EPS15: variants seen among roughly 807,000 people sequenced by gnomAD.
EPS15 encodes the protein epidermal growth factor receptor substrate 15.
Under a neutral mutation model 113.8 loss-of-function variants are expected in EPS15, and 72 were observed. The ratio of observed to expected loss-of-function variants is 0.63; its 90% CI spans 0.52 to 0.77. The LOEUF (loss-of-function observed/expected upper bound fraction) is 0.77. EPS15 is among the 30% of genes least tolerant of loss of function. The pLI, the probability that EPS15 is intolerant of heterozygous loss-of-function variation, is 0.00. For missense variants in EPS15, 1,048 were observed against 1,045.8 expected (o/e 1.00, Z -0.03); for synonymous variants, 344 against 363.4 (o/e 0.95, Z 0.61).
chr1:51,359,557 C>G (rs779034889), intron 24 of EPS15, among the ~76,000 whole-genome samples: 1 of 150,398 alleles, frequency 6.6e-6, no homozygotes, highest in Non-Finnish European at 1.5e-5. Context: ...ATCAGGAGTA[C>G]AAGACCAGCC....
At chr1:51,366,105 C>A in intron 21 of EPS15, 76 bp from the exon 22 acceptor site, 1 of 969,128 alleles carries the variant, frequency 1.0e-6, no homozygotes, top group Admixed American at 2.3e-5. Context: ...CTCACTCTGT[C>A]CACCCAGCCT....
chr1:51,402,554 T>G (rs1648681618), intron 17 of EPS15, 29 bp from the exon 18 acceptor site: 3 of 1,165,264 alleles, frequency 2.6e-6, no homozygotes, highest in Non-Finnish European at 3.7e-6. Flanking sequence ...TAAAATTATT[T>G]TTTAGAAACC....
chr1:51,459,283 G>A (rs1654251988), intron 8 of EPS15: 1 of 152,186 alleles, frequency 6.6e-6, no homozygotes, highest in Non-Finnish European at 1.5e-5. Flanking sequence ...GATCACCTGA[G>A]GTCAGGAGTT....
At chr1:51,383,830 T>C (rs942444727) in intron 21 of EPS15, among the ~76,000 whole-genome samples, 2 of 152,212 alleles carry the variant, frequency 1.3e-5, no homozygotes, top group African/African-American at 2.4e-5. Context: ...TGCTCTTATA[T>C]GTAGAAAACC....
intron 13 of EPS15, among the ~76,000 whole-genome samples, chr1:51,420,876 C>T (rs550726114): frequency 1.3e-5 from 2 of 152,068 alleles, no homozygotes; most frequent in African/African-American, 4.8e-5. Flanking sequence ...AACAATGGGC[C>T]TAACACAATT....
chr1:51,445,676 G>C (rs1040290937), intron 10 of EPS15, among the ~76,000 whole-genome samples: 5 of 151,058 alleles, frequency 3.3e-5, no homozygotes, highest in African/African-American at 4.9e-5. Flanking sequence ...CTGAAATCCT[G>C]ATCTGTTTAA....
chr1:51,364,960 G>A (rs919848840), intron 22 of EPS15, among the ~76,000 whole-genome samples: 1 of 152,058 alleles, frequency 6.6e-6, no homozygotes, highest in African/African-American at 2.4e-5. Context: ...CTCCTGAGCA[G>A]CTGGGATTAC....
intron 22 of EPS15, among the ~76,000 whole-genome samples, chr1:51,364,712 T>G (rs939947781): frequency 5.3e-5 from 8 of 152,084 alleles, no homozygotes; most frequent in African/African-American, 1.9e-4. Context: ...TTGCCCAGGC[T>G]GGTCTCGAAC....
rs1460760987 is a variant in EPS15 at position 51,433,754 on chromosome 1, T to G, written c.1040+6593A>C. On this transcript the variant is annotated intron_variant, in intron 12 of 24. Transcript: ENST00000371733. ...CTATTATTCTAATTATCTATCCTGT[T>G]TACTGGCCCAAGACCAGGATAACAA... Among the ~76,000 whole-genome samples, 3 of 152,240 alleles carry G rather than the reference T, an allele frequency of 2.0e-5. No individual in the cohort carries two copies. In the East Asian group the frequency reaches 5.8e-4, roughly 29 times the overall value.
intron 1 of EPS15, among the ~76,000 whole-genome samples, chr1:51,496,123 C>A (rs1644319062): frequency 6.6e-6 from 1 of 152,280 alleles, no homozygotes; most frequent in African/African-American, 2.4e-5. Context: ...TAGGCACTTA[C>A]ACATTAAGCC....
chr1:51,383,899 A>G (rs1042377771), intron 21 of EPS15, among the ~76,000 whole-genome samples: 3 of 152,244 alleles, frequency 2.0e-5, no homozygotes, highest in Non-Finnish European at 2.9e-5. Context: ...CAGTAGCAGG[A>G]TACAAAAATC....
At chr1:51,502,696 G>A (rs988514629) in intron 1 of EPS15, among the ~76,000 whole-genome samples, 1 of 152,130 alleles carries the variant, frequency 6.6e-6, no homozygotes, top group African/African-American at 2.4e-5. Context: ...CGAAGAATCT[G>A]TAAATGAAAT....
At chr1:51,483,154 T>G (rs773222655) in intron 1 of EPS15, among the ~76,000 whole-genome samples, 19 of 152,106 alleles carry the variant, frequency 1.2e-4, no homozygotes, top group Non-Finnish European at 2.4e-4. Flanking sequence ...ACCTGCCCAT[T>G]AGTCACTTAG....
chr1:51,388,902 G>A (rs1647176990), intron 21 of EPS15, among the ~76,000 whole-genome samples: 1 of 151,734 alleles, frequency 6.6e-6, no homozygotes, highest in Non-Finnish European at 1.5e-5. Flanking sequence ...AGGAGGAACT[G>A]GTACCATTCC....
chr1:51,479,156 C>T (rs963423662), intron 2 of EPS15, among the ~76,000 whole-genome samples: 1 of 152,112 alleles, frequency 6.6e-6, no homozygotes, highest in East Asian at 1.9e-4. Flanking sequence ...TTGTTCGTTT[C>T]CTTTTACTCT....
intron 8 of EPS15, among the ~76,000 whole-genome samples, chr1:51,457,323 G>C (rs1419027767): frequency 6.6e-6 from 1 of 151,732 alleles, no homozygotes; most frequent in Non-Finnish European, 1.5e-5. Context: ...AAAAGAACAT[G>C]ATGGGGAAGA....
chr1:51,375,498 G>A (rs1646776593), intron 21 of EPS15, among the ~76,000 whole-genome samples: 1 of 152,172 alleles, frequency 6.6e-6, no homozygotes, highest in Non-Finnish European at 1.5e-5. Flanking sequence ...AAGGGTAGAA[G>A]GGTACCAGTA....
At chr1:51,375,211 T>C (rs1313329407) in intron 21 of EPS15, among the ~76,000 whole-genome samples, 1 of 151,710 alleles carries the variant, frequency 6.6e-6, no homozygotes, top group Non-Finnish European at 1.5e-5. Flanking sequence ...CTGTGTTAGC[T>C]AGGATGGTCT....
chr1:51,405,925 G>C lies in EPS15; in HGVS notation c.1657C>G (p.Pro553Ala), dbSNP rs774560078. Residue 553 changes from proline (P) to alanine (A), a missense_variant, in exon 16 of 25, where the codon CCC (proline) becomes GCC (alanine). Physicochemically the swap from Pro to Ala is conservative, Grantham distance 27. Transcript: ENST00000371733. ...CTCACTGGAGATTCCTGGTGTATGG[G>C]CTCAGACTCTAGGTTGCTCTGGCCT... ...VEGQSNLESE[P>A]IHQESPARSS... is the part of the protein sequence containing the mutation. 1 of 1,614,042 alleles carries C rather than the reference G, an allele frequency of 6.2e-7. No individual in the cohort carries two copies. Among genetic ancestry groups the C allele is most frequent in the South Asian group, 1.1e-5 (1 of 91,082 alleles).
Sources: gnomAD v4.1 joint callset for allele counts (sites outside exome capture counted in the v4.1 genomes callset) on GRCh38, gnomAD v4.1.1 for gene constraint, MANE v1.5 for transcripts, NCBI Gene and HGNC (gene_info 2026-07-23, HGNC 2026-07-21) for gene names.